SPATA9: variants seen among roughly 807,000 people sequenced by gnomAD.
SPATA9 encodes the protein spermatogenesis associated 9.
Under a neutral mutation model 25.5 loss-of-function variants are expected in SPATA9, and 27 were observed. The observed-to-expected ratio is 1.06, with a 90% CI of 0.78 to 1.46. The LOEUF is 1.46. Ranked by LOEUF, SPATA9 falls within the 40% of genes most tolerant of loss-of-function variation. The pLI is 0.00. For synonymous variants in SPATA9, 102 were observed against 105.7 expected (o/e 0.97, Z 0.21); for missense variants, 282 against 297.5 (o/e 0.95, Z 0.38).
upstream of SPATA9, among the ~76,000 whole-genome samples, chr5:95,703,646 A>T (rs1754227484): frequency 6.6e-6 from 1 of 150,376 alleles, no homozygotes; most frequent in Non-Finnish European, 1.5e-5. Context: ...AAAAAAAGTA[A>T]AAAAAAAAAA....
At chr5:95,731,290 C>T in the SPATA9 span, 1 of 1,029,656 alleles carries the variant, frequency 9.7e-7, no homozygotes, top group Non-Finnish European at 1.2e-6. Context: ...CCCGATCTCC[C>T]CGACCCCCCT....
At chr5:95,722,695 G>A in the SPATA9 span, among the ~76,000 whole-genome samples, 1 of 152,164 alleles carries the variant, frequency 6.6e-6, no homozygotes, top group Non-Finnish European at 1.5e-5. Context: ...TCACCTTGTT[G>A]GCCAGGCTGG....
chr5:95,704,501 G>C, the SPATA9 span, among the ~76,000 whole-genome samples: 6 of 152,036 alleles, frequency 3.9e-5, no homozygotes, highest in African/African-American at 1.4e-4. Flanking sequence ...CTCATGTATA[G>C]AATGTTACAT....
At chr5:95,663,767 C>T (rs1471872413) in intron 4 of SPATA9, among the ~76,000 whole-genome samples, 186 bp downstream of exon 4, 1 of 152,044 alleles carries the variant, frequency 6.6e-6, no homozygotes, top group Admixed American at 6.6e-5. Context: ...GTTATTTAAG[C>T]AAACTGGGTT....
the SPATA9 span, among the ~76,000 whole-genome samples, chr5:95,721,107 CA>C: frequency 1.3e-5 from 2 of 152,124 alleles, no homozygotes; most frequent in Non-Finnish European, 2.9e-5. Flanking sequence ...GACTTAAAGG[CA>C]AAAAACCTTG....
chr5:95,730,095 AC>A, the SPATA9 span, among the ~76,000 whole-genome samples: 1 of 152,076 alleles, frequency 6.6e-6, no homozygotes, highest in African/African-American at 2.4e-5. Context: ...AAAAAAAAAA[AC>A]AGTGACCACA....
At chr5:95,670,886 C>A in intron 3 of SPATA9, 2 of 985,346 alleles carry the variant, frequency 2.0e-6, no homozygotes, top group South Asian at 4.7e-5. Context: ...CCTCACTGAG[C>A]CTTTGAGATT....
At chr5:95,731,938 T>TA in the SPATA9 span, 3 of 1,614,104 alleles carry the variant, frequency 1.9e-6, no homozygotes, top group Non-Finnish European at 2.5e-6. Context: ...TATCCGCACT[T>TA]ACCTGGGGAG....
chr5:95,652,399 T>C, downstream of SPATA9: 1 of 1,519,016 alleles, frequency 6.6e-7, no homozygotes, highest in Non-Finnish European at 8.9e-7. Context: ...TCGACTTTAG[T>C]CTCATATATC....
the SPATA9 span, chr5:95,731,478 C>T: frequency 8.2e-7 from 1 of 1,225,794 alleles, no homozygotes; most frequent in Non-Finnish European, 1.0e-6. Context: ...ATCCCCCGCC[C>T]GCTAGCCCGC....
chr5:95,731,195 G>T, the SPATA9 span: 1 of 1,004,330 alleles, frequency 1.0e-6, no homozygotes, highest in African/African-American at 1.7e-5. Flanking sequence ...AGCTCCCGGG[G>T]CCTCCGCGGG....
chr5:95,715,587 A>T, the SPATA9 span, among the ~76,000 whole-genome samples: 1 of 152,212 alleles, frequency 6.6e-6, no homozygotes, highest in African/African-American at 2.4e-5. Flanking sequence ...TATAAAAATT[A>T]CTTGCAGGTA....
the SPATA9 span, chr5:95,731,508 G>T: frequency 4.0e-6 from 5 of 1,249,756 alleles, no homozygotes; most frequent in East Asian, 1.7e-4. Flanking sequence ...CGGCTCGCTC[G>T]CTGGCTGGCG....
chr5:95,652,484 C>G (rs921362108), downstream of SPATA9: 1 of 952,636 alleles, frequency 1.0e-6, no homozygotes, highest in Non-Finnish European at 1.4e-6. Context: ...ATATATATAG[C>G]TCTTGATTTT....
the SPATA9 span, among the ~76,000 whole-genome samples, chr5:95,730,496 A>G: frequency 1.5e-4 from 23 of 152,316 alleles, no homozygotes; most frequent in African/African-American, 4.3e-4. Flanking sequence ...ACTTCAGTGC[A>G]TTATTATGAA....
At chr5:95,657,907 C>T (rs955110074), downstream of SPATA9, 10 of 150,736 alleles carry the variant, frequency 6.6e-5, 1 homozygote, top group Admixed American at 5.3e-4. Flanking sequence ...ATAAAGTGTA[C>T]AGAAGAAATC....
chr5:95,715,723 A>C, the SPATA9 span, among the ~76,000 whole-genome samples: 1 of 152,180 alleles, frequency 6.6e-6, no homozygotes, highest in Non-Finnish European at 1.5e-5. Flanking sequence ...TTATAAAGGA[A>C]AATATTGATA....
intron 1 of SPATA9, among the ~76,000 whole-genome samples, chr5:95,696,876 A>G (rs756355671): frequency 1.3e-5 from 2 of 152,204 alleles, no homozygotes; most frequent in Non-Finnish European, 2.9e-5. Flanking sequence ...AAAACAAAAC[A>G]AAACGGTAAT....
the SPATA9 span, among the ~76,000 whole-genome samples, chr5:95,705,150 TAG>T: frequency 2.6e-5 from 4 of 152,090 alleles, 1 homozygote; most frequent in South Asian, 8.3e-4. Flanking sequence ...GTATTTTTTG[TAG>T]AGATAGAGTT....
Sources: gnomAD v4.1 joint callset for allele counts (sites outside exome capture counted in the v4.1 genomes callset) on GRCh38, gnomAD v4.1.1 for gene constraint, MANE v1.5 for transcripts, NCBI Gene and HGNC (gene_info 2026-07-23, HGNC 2026-07-21) for gene names.